The following CDH18 variants were observed in gnomAD, a reference collection of about 807,000 sequenced individuals.
CDH18 encodes cadherin 18, also known as cadherin-18.
Under a neutral mutation model 67.9 loss-of-function variants are expected in CDH18, and 31 were observed. The ratio of observed to expected loss-of-function variants is 0.46; its 90% CI spans 0.34 to 0.62. The LOEUF (loss-of-function observed/expected upper bound fraction) is 0.62. CDH18 is among the 20% of genes least tolerant of loss of function. CDH18 has a pLI of 0.01. For synonymous variants in CDH18, 362 were observed against 347.2 expected (o/e 1.04, Z -0.48); for missense variants, 890 against 975.5 (o/e 0.91, Z 1.17).
chr5:19,493,028 T>A (rs548537739), intron 11 of CDH18, among the ~76,000 whole-genome samples: 4 of 152,172 alleles, frequency 2.6e-5, no homozygotes, highest in Non-Finnish European at 5.9e-5. Context: ...TCCAACCAAG[T>A]AATTGACGCT....
At chr5:19,862,919 C>T (rs1472156610) in intron 2 of CDH18, among the ~76,000 whole-genome samples, 1 of 151,924 alleles carries the variant, frequency 6.6e-6, no homozygotes, top group African/African-American at 2.4e-5. Flanking sequence ...GCCAGGCCAG[C>T]CCTGGCAAGG....
chr5:19,840,828 T>C (rs1252286739), intron 2 of CDH18, among the ~76,000 whole-genome samples: 1 of 152,204 alleles, frequency 6.6e-6, no homozygotes, highest in African/African-American at 2.4e-5. Context: ...GAAGATTACA[T>C]TGATTCACGA....
At chr5:20,089,006 G>T (rs1369929355) in intron 2 of CDH18, among the ~76,000 whole-genome samples, 1 of 151,980 alleles carries the variant, frequency 6.6e-6, no homozygotes, top group East Asian at 1.9e-4. Flanking sequence ...TCCAAAAAAC[G>T]GTATGTATTG....
chr5:20,001,529 C>T (rs1736436440), intron 2 of CDH18, among the ~76,000 whole-genome samples: 1 of 152,152 alleles, frequency 6.6e-6, no homozygotes, highest in African/African-American at 2.4e-5. Context: ...AACAGTGTCT[C>T]TGAAGCATTG....
At chr5:19,741,208 C>CATATATGTATATATACATGTATATATGTA (rs1769098963) in intron 4 of CDH18, among the ~76,000 whole-genome samples, 2 of 142,356 alleles carry the variant, frequency 1.4e-5, no homozygotes, top group African/African-American at 2.5e-5. Flanking sequence ...GTATATATGT[C>CATATATGTATATATACATGTATATATGTA]ATATATGTAT....
At chr5:19,608,309 G>T (rs553970283) in intron 6 of CDH18, among the ~76,000 whole-genome samples, 1 of 151,538 alleles carries the variant, frequency 6.6e-6, no homozygotes, top group East Asian at 1.9e-4. Context: ...AAATGACCCA[G>T]ATATCATTTT....
At chr5:20,516,650 C>T (rs1561085550) in intron 1 of CDH18, among the ~76,000 whole-genome samples, 1 of 151,706 alleles carries the variant, frequency 6.6e-6, no homozygotes. Flanking sequence ...TAGGTTATGT[C>T]TTCTTTCTAA....
intron 2 of CDH18, among the ~76,000 whole-genome samples, chr5:19,927,644 A>G (rs900027264): frequency 6.6e-6 from 1 of 152,194 alleles, no homozygotes; most frequent in African/African-American, 2.4e-5. Context: ...TATGAATGTT[A>G]CTGCAGGTCA....
intron 5 of CDH18, among the ~76,000 whole-genome samples, chr5:19,632,921 G>A (rs185489891): frequency 6.6e-6 from 1 of 152,150 alleles, no homozygotes; most frequent in Non-Finnish European, 1.5e-5. Flanking sequence ...ACTAGCTGCT[G>A]TTTTGCATCA....
chr5:19,529,040 A>T (rs1748183694), intron 9 of CDH18, among the ~76,000 whole-genome samples: 1 of 151,904 alleles, frequency 6.6e-6, no homozygotes, highest in Non-Finnish European at 1.5e-5. Flanking sequence ...GCCATCACAA[A>T]GGATCGTAAA....
At chr5:20,111,693 C>T (rs963188569) in intron 2 of CDH18, among the ~76,000 whole-genome samples, 20 of 151,500 alleles carry the variant, frequency 1.3e-4, no homozygotes, top group African/African-American at 2.9e-4. Flanking sequence ...TACAAGAGTG[C>T]GCCACCACAC....
At chr5:19,508,997 C>G (rs1487720206) in intron 10 of CDH18, among the ~76,000 whole-genome samples, 1 of 151,464 alleles carries the variant, frequency 6.6e-6, no homozygotes, top group African/African-American at 2.4e-5. Context: ...TCTCAGCCAC[C>G]GAGTAGTTGG....
chr5:19,878,988 A>G (rs570650131), intron 2 of CDH18, among the ~76,000 whole-genome samples: 32 of 152,114 alleles, frequency 2.1e-4, no homozygotes, highest in African/African-American at 7.7e-4. Context: ...AGAATTTTTC[A>G]TTTATTCATG....
rs1451987842 is a variant in CDH18, at chr5:19,471,528, C to A, written c.*1698G>T. 6.6e-6 allele frequency among the ~76,000 whole-genome samples: 1 copy of A among 151,922 alleles called. No homozygotes were observed. ...AAATTTAAAGAGCAAAGGAAAAACT[C>A]CGGTGTCAACTAATTCCTATTTCAT... is the stretch of plus-strand genomic sequence containing the variant. On this transcript the variant is annotated 3_prime_UTR_variant, in exon 13 of 13. Transcript: ENST00000382275.
intron 11 of CDH18, 55 bp from the exon 12 acceptor site, chr5:19,483,607 T>G: frequency 1.3e-6 from 2 of 1,516,204 alleles, no homozygotes; most frequent in Non-Finnish European, 1.8e-6. Context: ...CATTCAAGAT[T>G]CACATTTCCT....
chr5:20,283,483 A>G (rs1008867946), intron 1 of CDH18, among the ~76,000 whole-genome samples: 3 of 152,078 alleles, frequency 2.0e-5, no homozygotes, highest in African/African-American at 7.2e-5. Context: ...CAAATGGAAA[A>G]CGGGTATATG....
chr5:20,483,258 G>C (rs546244240), intron 1 of CDH18, among the ~76,000 whole-genome samples: 2 of 152,092 alleles, frequency 1.3e-5, no homozygotes, highest in African/African-American at 4.8e-5. Context: ...ATTGATGCCA[G>C]AAATTGAAGA....
chr5:19,554,078 A>G (rs923148323), intron 8 of CDH18, among the ~76,000 whole-genome samples: 4 of 152,172 alleles, frequency 2.6e-5, no homozygotes, highest in African/African-American at 9.7e-5. Context: ...TTCTAAAAAA[A>G]AGAAGGTATA....
chr5:20,132,237 T>C (rs1749329613), intron 2 of CDH18, among the ~76,000 whole-genome samples: 1 of 152,182 alleles, frequency 6.6e-6, no homozygotes, highest in Non-Finnish European at 1.5e-5. Context: ...AAACTGCTGC[T>C]TCTTTTTCAA....
Sources: allele counts gnomAD v4.1 joint callset (sites outside exome capture counted in the v4.1 genomes callset), GRCh38; gene constraint gnomAD v4.1.1; transcripts MANE v1.5; gene names NCBI Gene and HGNC (gene_info 2026-07-23, HGNC 2026-07-21).